The following MED16 variants were observed in gnomAD, a reference collection of about 807,000 sequenced individuals.
The protein encoded by MED16 is mediator complex subunit 16.
MED16 carries 81 observed loss-of-function variants against 84.4 expected under a neutral mutation model. That is an observed-to-expected ratio of 0.96 (90% CI 0.80 to 1.15). MED16 has a LOEUF of 1.15. Among genes scored for constraint, MED16 ranks in the 50% most tolerant of loss-of-function variants. The probability of loss-of-function intolerance (pLI) is 0.00; values close to 1 mark genes in which losing one functional copy is unlikely to be tolerated. For synonymous variants in MED16, 897 were observed against 552.2 expected, an observed-to-expected ratio of 1.62 and a Z score of -8.76; for missense variants, 1,585 against 1,245.9, an observed-to-expected ratio of 1.27 and a Z score of -4.10.
In MED16 at chr19:884,996, C is replaced by A. The variant is rs1170876513; in HGVS notation, c.892G>T (p.Ala298Ser). ...RDMSEQVLLC[A>S]SSQTSSIVEC... ...ACGATGCTGCTGGTCTGGCTGGACG[C>A]GCACAAAAGCACCTGCGGGGGAGGT... The change falls in exon 6 of 16, where the codon GCG becomes TCG. Residue 298 changes from alanine (A) to serine (S), a missense_variant. Coordinates refer to ENST00000325464, the MANE Select transcript of MED16 (RefSeq NM_005481.3). 1 of 1,602,150 alleles carries A rather than the reference C, an allele frequency of 6.2e-7. No individual in the cohort carries two copies.
intron 9 of MED16, 73 bp downstream of exon 9, chr19:876,901 C>T: frequency 6.8e-7 from 1 of 1,475,024 alleles, no homozygotes; most frequent in Non-Finnish European, 9.0e-7. Context: ...CACGGGGCCC[C>T]ACCTGCCACG....
At position 880,050 on chromosome 19, in the gene MED16, C is replaced by A. The variant is rs988654422; in HGVS notation, c.1240G>T (p.Val414Leu). 3 of 1,611,060 alleles carry A rather than the reference C, an allele frequency of 1.9e-6. No homozygotes were observed. Among genetic ancestry groups the A allele is most frequent in the Non-Finnish European group, 2.5e-6 (3 of 1,179,322 alleles). The change falls in exon 8 of 16, where the codon GTG becomes TTG. Residue 414 changes from valine to leucine, a missense_variant. Physicochemically the swap from Val to Leu is conservative, Grantham distance 32. Transcript: ENST00000325464. ...VFYSSAAPRP[V>L]DEPAMKRPRT... ...GGGCGCTTCATGGCCGGCTCATCCACAGGCCTCGGGGCCGCGGAGCTGTAG... is the reference window on the plus strand; with the variant it reads ...GGGCGCTTCATGGCCGGCTCATCCAAAGGCCTCGGGGCCGCGGAGCTGTAG...
At position 889,785 on chromosome 19, in the gene MED16, A is replaced by G. The variant is rs2145256375; in HGVS notation, c.300T>C (p.Asp100=). 6.2e-7 allele frequency: 1 copy of G among 1,612,468 alleles called. No homozygotes were observed. Residue 100 remains aspartate (D), a synonymous_variant, in exon 4 of 16, where the codon GAT becomes GAC. Transcript: ENST00000325464. The part of the protein sequence containing the change: ...DQSGSRLLSA[D]ADGQIKCWSM... ...TCCAGCACTTGATCTGCCCGTCGGC[A>G]TCTGCTGACAGGAGCCGGGAGCCTG...
intron 10 of MED16, among the ~76,000 whole-genome samples, chr19:874,087 T>C (rs1463732147): frequency 6.6e-6 from 1 of 151,998 alleles, no homozygotes; most frequent in Non-Finnish European, 1.5e-5. Context: ...GTGTCCACAC[T>C]CAACCGGGTA....
At chr19:882,332 AC>A (rs1248507735) in intron 6 of MED16, among the ~76,000 whole-genome samples, 2 of 151,942 alleles carry the variant, frequency 1.3e-5, no homozygotes, top group Non-Finnish European at 2.9e-5. Context: ...ACACAGCAAG[AC>A]CCCATTCTCT....
At chr19:887,705 G>A (rs1265114201) in intron 4 of MED16, among the ~76,000 whole-genome samples, 1 of 152,096 alleles carries the variant, frequency 6.6e-6, no homozygotes, top group Non-Finnish European at 1.5e-5. Context: ...GCGAGGCTCT[G>A]ACTCAGGCCA....
rs2036049081 is a variant in MED16 at position 871,349 on chromosome 19, A to G, written c.2099-96T>C. 3 of 1,380,534 alleles carry G rather than the reference A, an allele frequency of 2.2e-6. No individual in the cohort carries two copies. The East Asian group carries it at 7.6e-5, about 35-fold the overall frequency. 85.5% of individuals were successfully genotyped at this position (1,380,534 alleles called of 1,614,324 possible). On this transcript the variant is annotated intron_variant, in intron 12 of 15. Transcript: ENST00000325464. ...GGAGCCCCTCCAGTTCAGGAGCACC[A>G]GGTCAGGGCCCCAGCTCTGTCTGCC...
chr19:873,645 A>G (rs2036156255), intron 10 of MED16, 63 bp from the exon 11 acceptor site: 1 of 1,589,248 alleles, frequency 6.3e-7, no homozygotes, highest in East Asian at 2.2e-5. Flanking sequence ...ACCTAACTGC[A>G]CCCCTCGGTC....
chr19:880,781 C>T lies in MED16; in HGVS notation c.1142-633G>A, dbSNP rs1221510534. 5.3e-5 allele frequency among the ~76,000 whole-genome samples: 8 copies of T among 152,024 alleles called. No individual in the cohort carries two copies. The East Asian group carries it at 5.8e-4, about 11-fold the overall frequency. The stretch of plus-strand genomic sequence containing the variant: ...ACTAAAATACAAAAAATTAGCCGGG[C>T]GTGGCAGCACGCGCCTGTAGTCCCA... On this transcript the variant is annotated intron_variant, in intron 7 of 15. Coordinates refer to ENST00000325464, the MANE Select transcript of MED16 (RefSeq NM_005481.3).
At chr19:870,470 A>G (rs2036019969) in intron 13 of MED16, among the ~76,000 whole-genome samples, 2 of 151,700 alleles carry the variant, frequency 1.3e-5, no homozygotes. Context: ...CTGAGGTAGG[A>G]GAATCATTTG....
rs540832866 is a variant in MED16 at position 877,870 on chromosome 19, C to T, written c.1354-690G>A. Among the ~76,000 whole-genome samples the T allele has an allele frequency of 1.8e-4, 27 of 147,502 alleles. No individual in the cohort carries two copies. In the South Asian group the frequency reaches 4.2e-3, roughly 23 times the overall value. ...CCCAGCCCCACATGCCCCAGCAGCT[C>T]GCCTTCCCCTGGTTGTCAATGCCCA... On this transcript the variant is annotated intron_variant, in intron 8 of 15. Coordinates refer to ENST00000325464, the MANE Select transcript of MED16 (RefSeq NM_005481.3).
intron 1 of MED16, 138 bp downstream of exon 1, chr19:892,941 CCAGGCCG>C (rs2036672632): frequency 6.6e-6 from 1 of 150,562 alleles, no homozygotes; most frequent in South Asian, 1.8e-4. Context: ...GCCCCGCGCC[CCAGGCCG>C]CCTACCCAGC....
At chr19:890,058 G>T in intron 3 of MED16, 79 bp downstream of exon 3, 2 of 1,168,868 alleles carry the variant, frequency 1.7e-6, no homozygotes, top group Non-Finnish European at 2.4e-6. Context: ...CCGGACTCCA[G>T]ACTGACCGGA....
intron 8 of MED16, among the ~76,000 whole-genome samples, chr19:877,595 T>TGGCGAGGG (rs1555716201): frequency 3.4e-5 from 3 of 87,134 alleles, no homozygotes; most frequent in Middle Eastern, 6.0e-3. Flanking sequence ...GCGAGGGGCT[T>TGGCGAGGG]GCACCTGTGG....
At chr19:879,632 G>T (rs1436855529) in intron 8 of MED16, among the ~76,000 whole-genome samples, 1 of 36,800 alleles carries the variant, frequency 2.7e-5, no homozygotes, top group Admixed American at 3.7e-4. Flanking sequence ...CCAGCCCCAC[G>T]TGCCCCAGCA....
Position 873,488 on chromosome 19 carries a change from G to A in MED16, c.1866C>T (p.Gly622=), listed in dbSNP as rs145707212. 2.7e-5 allele frequency: 44 copies of A among 1,611,264 alleles called. No individual in the cohort carries two copies. Among genetic ancestry groups the A allele is most frequent in the Middle Eastern group, 1.7e-4 (1 of 5,988 alleles). ...QALQQLLQWV[G]DFVLYLLASL... ...TGGCCAGCAGGTACAGCACGAAGTCGCCCACCCACTGCAAGAGCTGCTGCA... is the reference window on the plus strand; with the variant it reads ...TGGCCAGCAGGTACAGCACGAAGTCACCCACCCACTGCAAGAGCTGCTGCA... Residue 622 remains glycine, a synonymous_variant, in exon 11 of 16, where the codon GGC becomes GGT. Transcript: ENST00000325464.
chr19:868,987 A>G, intron 13 of MED16, 41 bp from the exon 14 acceptor site: 1 of 1,494,796 alleles, frequency 6.7e-7, no homozygotes, highest in Middle Eastern at 2.3e-4. Flanking sequence ...CCTGGGCACC[A>G]CGAGGCCAGG....
Position 885,883 on chromosome 19 carries a change from C to T in MED16, c.766G>A (p.Asp256Asn). 1 of 1,613,766 alleles carries T rather than the reference C, an allele frequency of 6.2e-7. No individual in the cohort carries two copies. Among genetic ancestry groups the T allele is most frequent in the Non-Finnish European group, 8.5e-7 (1 of 1,179,966 alleles). ...AACAGGGAGGGCAGGATCTCCGTGTCGATACGGCACTTCTCGCTCACCACG... is the reference window on the plus strand; with the variant it reads ...AACAGGGAGGGCAGGATCTCCGTGTTGATACGGCACTTCTCGCTCACCACG... ...VSVVSEKCRI[D>N]TEILPSLFMR... Residue 256 changes from aspartate (D) to asparagine (N), a missense_variant, in exon 5 of 16, where the codon GAC becomes AAC. Asp to Asn is a conservative substitution (Grantham distance 23). Coordinates refer to ENST00000325464, the MANE Select transcript of MED16 (RefSeq NM_005481.3).
chr19:881,096 T>TG (rs538760059), intron 7 of MED16, among the ~76,000 whole-genome samples: 102 of 152,110 alleles, frequency 6.7e-4, no homozygotes, highest in African/African-American at 2.5e-3. Context: ...GAACGGGAGC[T>TG]GGGGGAAGAA....
Sources: gnomAD v4.1 joint callset for allele counts (sites outside exome capture counted in the v4.1 genomes callset) on GRCh38, gnomAD v4.1.1 for gene constraint, MANE v1.5 for transcripts, NCBI Gene and HGNC (gene_info 2026-07-23, HGNC 2026-07-21) for gene names.